LRRIQ1: variants seen among roughly 807,000 people sequenced by gnomAD.
LRRIQ1 encodes leucine-rich repeat- and IQ domain-containing protein 1.
LRRIQ1 carries 210 observed loss-of-function variants against 211.9 expected under a neutral mutation model. That is an observed-to-expected ratio of 0.99 (90% CI 0.89 to 1.11). The LOEUF (loss-of-function observed/expected upper bound fraction) is 1.11. LRRIQ1 is among the 50% of genes most tolerant of loss of function. LRRIQ1 has a pLI of 0.00. For synonymous variants in LRRIQ1, 699 were observed against 650.1 expected (o/e 1.08, Z -1.14); for missense variants, 2,136 against 1,939.5 (o/e 1.10, Z -1.90).
intron 14 of LRRIQ1, among the ~76,000 whole-genome samples, chr12:85,105,058 T>C (rs551890296): frequency 6.6e-6 from 1 of 152,132 alleles, no homozygotes; most frequent in Non-Finnish European, 1.5e-5. Context: ...TTGTTGTGTC[T>C]ATTCAAGTGT....
At chr12:85,160,997 T>A (rs1378096052) in intron 24 of LRRIQ1, among the ~76,000 whole-genome samples, 1 of 152,142 alleles carries the variant, frequency 6.6e-6, no homozygotes, top group South Asian at 2.1e-4. Flanking sequence ...TCAGTGACAT[T>A]AATGTTATTT....
At chr12:85,207,067 G>T (rs1355254213) in intron 24 of LRRIQ1, among the ~76,000 whole-genome samples, 1 of 152,166 alleles carries the variant, frequency 6.6e-6, no homozygotes, top group Non-Finnish European at 1.5e-5. Flanking sequence ...TGTCCTGGAG[G>T]ACCGTGGGGT....
At chr12:85,217,534 GTGTGTGTGTGTGTGTGTA>G (rs1894177627) in intron 24 of LRRIQ1, among the ~76,000 whole-genome samples, 1 of 119,436 alleles carries the variant, frequency 8.4e-6, no homozygotes, top group African/African-American at 4.0e-5. Flanking sequence ...GTGTGTGTGT[GTGTGTGTGTGTGTGTGTA>G]TATAGGTATA....
At chr12:85,156,502 T>G (rs2136696038) in intron 23 of LRRIQ1, among the ~76,000 whole-genome samples, 1 of 151,926 alleles carries the variant, frequency 6.6e-6, no homozygotes, top group Non-Finnish European at 1.5e-5. Context: ...GTGCCTCAGG[T>G]TTTCTTCTTA....
intron 1 of LRRIQ1, among the ~76,000 whole-genome samples, chr12:85,255,931 A>G (rs1896076916): frequency 6.6e-6 from 1 of 151,762 alleles, no homozygotes; most frequent in African/African-American, 2.4e-5. Context: ...GACTCATGTA[A>G]TATGGATTAA....
At chr12:85,070,790 G>A in intron 10 of LRRIQ1, among the ~76,000 whole-genome samples, 1 of 151,600 alleles carries the variant, frequency 6.6e-6, no homozygotes, top group South Asian at 2.1e-4. Context: ...TATATTCCTT[G>A]GTTTATGGCA....
At chr12:85,065,810 A>T (rs1291156985) in intron 9 of LRRIQ1, among the ~76,000 whole-genome samples, 3 of 151,828 alleles carry the variant, frequency 2.0e-5, no homozygotes, top group African/African-American at 7.3e-5. Context: ...CTGCAGTGAG[A>T]TGGAAGCTAG....
chr12:85,042,479 T>G (rs943032363), intron 3 of LRRIQ1, among the ~76,000 whole-genome samples: 1 of 148,318 alleles, frequency 6.7e-6, no homozygotes, highest in African/African-American at 2.4e-5. Context: ...ATTATTAAAT[T>G]TATTATCATC....
chr12:85,121,022 C>G (rs1454011415), intron 15 of LRRIQ1, among the ~76,000 whole-genome samples: 2 of 152,054 alleles, frequency 1.3e-5, no homozygotes, highest in Non-Finnish European at 2.9e-5. Flanking sequence ...GGCTGGAGAG[C>G]AGTGGCACGA....
intron 18 of LRRIQ1, among the ~76,000 whole-genome samples, chr12:85,133,520 G>T (rs902724608): frequency 1.3e-5 from 2 of 152,124 alleles, no homozygotes; most frequent in South Asian, 2.1e-4. Flanking sequence ...TGGTGAGGTT[G>T]CCTTGGAGAA....
Position 85,044,665 on chromosome 12 carries a change from A to T in LRRIQ1, c.245-53A>T, listed in dbSNP as rs1169134180. 3 of 845,806 alleles carry T rather than the reference A, an allele frequency of 3.5e-6. No individual in the cohort carries two copies. The African/African-American group carries it at 5.2e-5, about 15-fold the overall frequency. The allele number at this position is 845,806 out of a possible 1,614,324, so 52.4% of individuals were successfully genotyped here. ...TTAAGAAAGGGTTTGAAATTTTGAG[A>T]TGTTGTATTGTACTCTAATATTGGA... is the stretch of plus-strand genomic sequence containing the variant. On this transcript the variant is annotated intron_variant, in intron 3 of 26. Transcript: ENST00000393217.
chr12:85,083,973 A>G (rs569931587), intron 11 of LRRIQ1, among the ~76,000 whole-genome samples: 4 of 152,274 alleles, frequency 2.6e-5, no homozygotes, highest in African/African-American at 9.6e-5. Context: ...AGATACTTGA[A>G]AGCAGAGATT....
intron 23 of LRRIQ1, among the ~76,000 whole-genome samples, chr12:85,155,925 T>G (rs1890518376): frequency 6.6e-6 from 1 of 151,544 alleles, no homozygotes; most frequent in Non-Finnish European, 1.5e-5. Flanking sequence ...AATCATTGCT[T>G]TAATGGCCAC....
rs572638203 is a variant in LRRIQ1 at position 85,070,378 on chromosome 12, G to A, written c.2696-2529G>A. Reference sequence around the variant, plus strand: ...TGGATCAATTAATGCAGCAGAGGATGTGATTTGTGAATTTTCTATTTGATC... The same window carrying A: ...TGGATCAATTAATGCAGCAGAGGATATGATTTGTGAATTTTCTATTTGATC... On this transcript the variant is annotated intron_variant, in intron 10 of 26. Coordinates refer to ENST00000393217, the MANE Select transcript of LRRIQ1 (RefSeq NM_001079910.2). 3.9e-5 allele frequency among the ~76,000 whole-genome samples: 6 copies of A among 152,084 alleles called. No individual in the cohort carries two copies. In the South Asian group the frequency reaches 1.2e-3, roughly 32 times the overall value.
intron 24 of LRRIQ1, among the ~76,000 whole-genome samples, chr12:85,202,066 G>T (rs1893326699): frequency 6.6e-6 from 1 of 152,008 alleles, no homozygotes; most frequent in Non-Finnish European, 1.5e-5. Context: ...TCAGGAGCAG[G>T]TTTCCATGTA....
chr12:85,056,383 A>C lies in LRRIQ1; in HGVS notation c.1590A>C (p.Leu530Phe). The change falls in exon 8 of 27, where the codon TTA becomes TTC. Residue 530 changes from leucine to phenylalanine, a missense_variant. Leu to Phe is a conservative substitution (Grantham distance 22). Coordinates refer to ENST00000393217, the MANE Select transcript of LRRIQ1 (RefSeq NM_001079910.2). ...AAGAACAGTTTCCATTGCAAGAATT[A>C]AAGTCTGATGCACAAAAAGAAGAAA... The part of the protein sequence containing the change: ...NLKEQFPLQE[L>F]KSDAQKEEKI... The C allele has an allele frequency of 1.9e-6, 3 of 1,590,648 alleles. No individual in the cohort carries two copies. The highest frequency in any genetic ancestry group is 2.6e-6 in the Non-Finnish European group (3 of 1,174,060).
chr12:85,114,951 T>A (rs1412058081), intron 15 of LRRIQ1, among the ~76,000 whole-genome samples: 5 of 152,176 alleles, frequency 3.3e-5, no homozygotes, highest in African/African-American at 1.2e-4. Context: ...AGTTATAAAT[T>A]TTCCCAACTG....
chr12:85,179,708 T>A (rs1452460364), intron 24 of LRRIQ1, among the ~76,000 whole-genome samples: 1 of 152,010 alleles, frequency 6.6e-6, no homozygotes, highest in Non-Finnish European at 1.5e-5. Flanking sequence ...TTATCTGAAA[T>A]GACCCTCATC....
At chr12:85,177,737 A>G in intron 24 of LRRIQ1, among the ~76,000 whole-genome samples, 1 of 152,138 alleles carries the variant, frequency 6.6e-6, no homozygotes, top group East Asian at 1.9e-4. Context: ...AGCAAAAGAT[A>G]AAATGGTCAG....
Sources: allele counts gnomAD v4.1 joint callset (sites outside exome capture counted in the v4.1 genomes callset), GRCh38; gene constraint gnomAD v4.1.1; transcripts MANE v1.5; gene names NCBI Gene and HGNC (gene_info 2026-07-23, HGNC 2026-07-21).